Variants in IGF1R observed in about 807,000 individuals in gnomAD.
IGF1R encodes insulin like growth factor 1 receptor.
IGF1R carries 44 observed loss-of-function variants against 144.6 expected under a neutral mutation model. The observed-to-expected ratio is 0.30, with a 90% confidence interval of 0.24 to 0.39. The LOEUF (loss-of-function observed/expected upper bound fraction) is 0.39, where lower values mean the gene tolerates loss of function less well. Ranked by LOEUF, IGF1R falls within the 10% of genes least tolerant of loss-of-function variation. The pLI is 1.00. For missense variants in IGF1R, 1,355 were observed against 1,833.7 expected (o/e 0.74, Z 4.77); for synonymous variants, 795 against 722.8 (o/e 1.10, Z -1.60).
At position 98,923,924 on chromosome 15, in the gene IGF1R, A is replaced by G; in HGVS notation, c.2534A>G (p.Glu845Gly). The part of the protein sequence containing the change: ...PGPVTWEPRP[E>G]NSIFLKWPEP... ...CCAGTGACCTGGGAGCCAAGGCCTG[A>G]AAACTCCATCTTTTTAAAGTGGCCG... The change falls in exon 12 of 21, where the codon GAA (glutamate) becomes GGA (glycine). Residue 845 changes from glutamate to glycine, a missense_variant. Glu to Gly is a moderately conservative substitution (Grantham distance 98). Transcript: ENST00000650285. 1 of 1,613,306 alleles carries G rather than the reference A, an allele frequency of 6.2e-7. No individual in the cohort carries two copies. Among genetic ancestry groups the G allele is most frequent in the Non-Finnish European group, 8.5e-7 (1 of 1,179,208 alleles).
intron 2 of IGF1R, among the ~76,000 whole-genome samples, chr15:98,830,553 G>A (rs925541984): frequency 2.7e-5 from 4 of 150,880 alleles, no homozygotes; most frequent in Non-Finnish European, 4.4e-5. Context: ...TTTTTTTTCC[G>A]GCTCATGGTT....
At chr15:98,861,326 G>C (rs114665003) in intron 2 of IGF1R, among the ~76,000 whole-genome samples, 1 of 152,040 alleles carries the variant, frequency 6.6e-6, no homozygotes, top group Non-Finnish European at 1.5e-5. Flanking sequence ...GTTTGTTATC[G>C]GTCTTCTCCC....
intron 15 of IGF1R, among the ~76,000 whole-genome samples, chr15:98,933,912 T>TGGACTAGA (rs1555463559): frequency 1.3e-5 from 2 of 152,204 alleles, no homozygotes; most frequent in African/African-American, 4.8e-5. Context: ...GGGGGACACT[T>TGGACTAGA]GGACTAGAGT....
chr15:98,906,719 C>T (rs896848505), intron 5 of IGF1R, among the ~76,000 whole-genome samples: 10 of 152,216 alleles, frequency 6.6e-5, no homozygotes, highest in African/African-American at 2.2e-4. Flanking sequence ...TCCAGGATAG[C>T]TGTGTGTTCA....
At chr15:98,738,241 G>T (rs1237513941) in intron 2 of IGF1R, among the ~76,000 whole-genome samples, 11 of 152,158 alleles carry the variant, frequency 7.2e-5, no homozygotes, top group African/African-American at 2.7e-4. Context: ...TCACTAGTTT[G>T]CCCCGGCTGA....
At chr15:98,853,918 G>C (rs780346572) in intron 2 of IGF1R, among the ~76,000 whole-genome samples, 4 of 152,172 alleles carry the variant, frequency 2.6e-5, no homozygotes, top group Non-Finnish European at 2.9e-5. Flanking sequence ...TAAATCCCAG[G>C]AAAAGTCCTG....
chr15:98,745,926 A>G (rs1425957587), intron 2 of IGF1R, among the ~76,000 whole-genome samples: 1 of 152,240 alleles, frequency 6.6e-6, no homozygotes, highest in Non-Finnish European at 1.5e-5. Flanking sequence ...CTGCCCACAT[A>G]CAAATTGCAG....
intron 3 of IGF1R, among the ~76,000 whole-genome samples, chr15:98,895,218 A>G (rs2151649531): frequency 7.4e-6 from 1 of 135,572 alleles, no homozygotes; most frequent in South Asian, 2.3e-4. Flanking sequence ...TCAGTGACAC[A>G]GCACCACACA....
At chr15:98,881,679 G>C (rs549133641) in intron 2 of IGF1R, among the ~76,000 whole-genome samples, 1 of 152,296 alleles carries the variant, frequency 6.6e-6, no homozygotes. Flanking sequence ...CATAAACACG[G>C]TGGGGGAAGA....
intron 2 of IGF1R, among the ~76,000 whole-genome samples, chr15:98,764,329 T>TTTTTTG (rs1241913105): frequency 6.6e-6 from 1 of 152,152 alleles, no homozygotes; most frequent in African/African-American, 2.4e-5. Flanking sequence ...TGTTATTGTG[T>TTTTTTG]TTTTTGTTTT....
At position 98,721,396 on chromosome 15, in the gene IGF1R, C is replaced by T. The variant is rs117142222; in HGVS notation, c.640+13289C>T. ...TATAATGTTTGATTCTCCAACCTCA[C>T]AGCTAATGGGAAGCCCGTGGAGGAG... On this transcript the variant is annotated intron_variant, in intron 2 of 20. Coordinates refer to ENST00000650285, the MANE Select transcript of IGF1R (RefSeq NM_000875.5). Among the ~76,000 whole-genome samples, 155 of 152,354 alleles carry T rather than the reference C, an allele frequency of 1.0e-3. 1 individual carries two copies. Among genetic ancestry groups the T allele is most frequent in the Non-Finnish European group, 1.7e-3 (119 of 68,036 alleles).
Position 98,649,631 on chromosome 15 carries a change from T to C in IGF1R, c.50T>C (p.Leu17Pro). Residue 17 changes from leucine to proline, a missense_variant, in exon 1 of 21, where the codon CTG becomes CCG. By Grantham distance (98) the Leu-to-Pro change is moderately conservative. This residue lies in a region of IGF1R where 49 missense variants were observed against 34.7 expected (regional missense o/e 1.41). Transcript: ENST00000650285. ...TCCCCGACCTCGCTGTGGGGGCTCC[T>C]GTTTCTCTCCGCCGCGCTCTCGCTC... ...GGSPTSLWGL[L>P]FLSAALSLWP... The C allele has an allele frequency of 6.2e-7, 1 of 1,610,014 alleles. No individual in the cohort carries two copies. The highest frequency in any genetic ancestry group is 8.5e-7 in the Non-Finnish European group (1 of 1,178,686).
At chr15:98,796,731 ACACACAGGCATG>A (rs1757583793) in intron 2 of IGF1R, among the ~76,000 whole-genome samples, 2 of 152,254 alleles carry the variant, frequency 1.3e-5, no homozygotes, top group African/African-American at 4.8e-5. Context: ...TCTTATACAT[ACACACAGGCATG>A]CACACACGGA....
In IGF1R at chr15:98,878,693, A is replaced by AC. The variant is rs1257760479; in HGVS notation, c.641-12632_641-12631insC. ...AAAAAAAAAAAAAAAAAAAAAAAAA[A>AC]AACAACAACAAAAAAAAGGCCAGGC... On this transcript the variant is annotated intron_variant, in intron 2 of 20. Coordinates refer to ENST00000650285, the MANE Select transcript of IGF1R (RefSeq NM_000875.5). Among the ~76,000 whole-genome samples the AC allele has an allele frequency of 1.2e-3, 152 of 126,166 alleles. 5 individuals are homozygous for AC. Among genetic ancestry groups the AC allele is most frequent in the East Asian group, 8.2e-3 (37 of 4,500 alleles). The allele number at this position is 126,166 out of a possible 152,430, so 82.8% of individuals were successfully genotyped here.
rs1293669503 is a variant in IGF1R at position 98,958,854 on chromosome 15, G to A, written c.*1412G>A. 1 of 233,362 alleles carries A rather than the reference G, an allele frequency of 4.3e-6. No homozygotes were observed. The highest frequency in any genetic ancestry group is 8.5e-6 in the Non-Finnish European group (1 of 117,968). The allele number at this position is 233,362 out of a possible 1,614,324, so 14.5% of individuals were successfully genotyped here. A position where few individuals can be genotyped will look rare whatever the true frequency, so the allele number is the denominator to read the frequency against. On this transcript the variant is annotated 3_prime_UTR_variant, in exon 21 of 21. Coordinates refer to ENST00000650285, the MANE Select transcript of IGF1R (RefSeq NM_000875.5). ...ACTTTCTTCCTCTTTTCCCGGTAAT[G>A]GATACTTCTATCACATAATTTGCCA...
At chr15:98,786,291 C>T (rs2055993789) in intron 2 of IGF1R, among the ~76,000 whole-genome samples, 1 of 152,202 alleles carries the variant, frequency 6.6e-6, no homozygotes, top group South Asian at 2.1e-4. Context: ...GTGTGGTTTC[C>T]TTGGCTCATC....
At chr15:98,882,459 T>A (rs894779566) in intron 2 of IGF1R, among the ~76,000 whole-genome samples, 2 of 152,238 alleles carry the variant, frequency 1.3e-5, no homozygotes, top group Non-Finnish European at 2.9e-5. Context: ...CAGATCAGTA[T>A]GCAATGGATG....
At chr15:98,712,673 A>G (rs979827260) in intron 2 of IGF1R, among the ~76,000 whole-genome samples, 1 of 150,560 alleles carries the variant, frequency 6.6e-6, no homozygotes. Context: ...CAGTGGTGCG[A>G]TCTTGGCTCA....
chr15:98,709,985 G>A (rs2053955350), intron 2 of IGF1R, among the ~76,000 whole-genome samples: 1 of 152,164 alleles, frequency 6.6e-6, no homozygotes, highest in Admixed American at 6.5e-5. Flanking sequence ...TCTAAGAGTG[G>A]CGACTAGAAA....
Sources: gnomAD v4.1 joint callset for allele counts (sites outside exome capture counted in the v4.1 genomes callset) on GRCh38, gnomAD v4.1.1 for gene constraint, gnomAD v4.1.1 regional missense constraint, MANE v1.5 for transcripts, NCBI Gene and HGNC (gene_info 2026-07-23, HGNC 2026-07-21) for gene names.